Variants in ELAVL2 observed in about 807,000 individuals in gnomAD.
The protein encoded by ELAVL2 is ELAV-like protein 2.
A neutral mutation model predicts 34.6 loss-of-function variants in ELAVL2; 4 were observed. That is an observed-to-expected ratio of 0.12 (90% confidence interval 0.06 to 0.26). The LOEUF (loss-of-function observed/expected upper bound fraction) is 0.26, where lower values mean the gene tolerates loss of function less well. Among genes scored for constraint, ELAVL2 ranks in the 10% least tolerant of loss-of-function variants. The pLI, the probability that ELAVL2 is intolerant of heterozygous loss-of-function variation, is 1.00. For synonymous variants in ELAVL2, 193 were observed against 154.8 expected (o/e 1.25, Z -1.83); for missense variants, 432 against 442.8 (o/e 0.98, Z 0.22).
chr9:23,717,080 A>T (rs974151162), intron 3 of ELAVL2, among the ~76,000 whole-genome samples: 1 of 152,246 alleles, frequency 6.6e-6, no homozygotes. Context: ...GTGTGGTAGT[A>T]AAGTTAAATG....
chr9:23,823,039 G>A (rs1262185574), intron 1 of ELAVL2, among the ~76,000 whole-genome samples: 1 of 152,116 alleles, frequency 6.6e-6, no homozygotes, highest in Admixed American at 6.5e-5. Context: ...GCTCAACCAA[G>A]GTCAAAAGCG....
chr9:23,755,051 A>C (rs1255259051), intron 2 of ELAVL2, among the ~76,000 whole-genome samples: 1 of 152,118 alleles, frequency 6.6e-6, no homozygotes, highest in Non-Finnish European at 1.5e-5. Context: ...CCTATTCCGC[A>C]AAGTCCAAAC....
At chr9:23,715,971 G>C (rs1278751582) in intron 3 of ELAVL2, among the ~76,000 whole-genome samples, 1 of 152,144 alleles carries the variant, frequency 6.6e-6, no homozygotes, top group Non-Finnish European at 1.5e-5. Flanking sequence ...TGATCTGACA[G>C]AGAGAAGTAC....
chr9:23,826,962 A>G (rs144910476), upstream of ELAVL2, among the ~76,000 whole-genome samples: 50 of 152,354 alleles, frequency 3.3e-4, no homozygotes, highest in African/African-American at 1.2e-3. Context: ...TAAGATAAAG[A>G]TGAAGTCAGA....
intron 2 of ELAVL2, among the ~76,000 whole-genome samples, chr9:23,757,372 A>G (rs1467695485): frequency 6.6e-6 from 1 of 152,040 alleles, no homozygotes; most frequent in Non-Finnish European, 1.5e-5. Flanking sequence ...GGTAAAGCAT[A>G]AGATAATCAG....
chr9:23,839,593 C>G, the ELAVL2 span, among the ~76,000 whole-genome samples: 3 of 152,126 alleles, frequency 2.0e-5, no homozygotes, highest in Admixed American at 2.0e-4. Context: ...ACAGTCCACA[C>G]TGGAAACTGC....
chr9:23,778,078 AT>A (rs777818553), intron 1 of ELAVL2, among the ~76,000 whole-genome samples: 5 of 152,186 alleles, frequency 3.3e-5, no homozygotes, highest in Non-Finnish European at 5.9e-5. Flanking sequence ...GGAAGAAAAC[AT>A]TGAGGGGATG....
intron 2 of ELAVL2, among the ~76,000 whole-genome samples, chr9:23,750,074 T>C (rs918613522): frequency 6.6e-6 from 1 of 150,754 alleles, no homozygotes; most frequent in East Asian, 1.9e-4. Flanking sequence ...TGTCCAACTA[T>C]AAAGGCTAGG....
At chr9:23,740,775 T>A (rs986686270) in intron 2 of ELAVL2, among the ~76,000 whole-genome samples, 1 of 152,192 alleles carries the variant, frequency 6.6e-6, no homozygotes, top group Non-Finnish European at 1.5e-5. Flanking sequence ...AAAAGATCCA[T>A]TTAAAATGGG....
intron 3 of ELAVL2, among the ~76,000 whole-genome samples, chr9:23,713,151 G>T (rs1271175995): frequency 6.6e-6 from 1 of 152,106 alleles, no homozygotes; most frequent in Non-Finnish European, 1.5e-5. Flanking sequence ...TTTTATTGTT[G>T]TTTCTCCTTG....
chr9:23,794,467 GACA>G lies in ELAVL2; in HGVS notation c.-16+31336_-16+31338del, dbSNP rs1377410178. 1.2e-4 allele frequency among the ~76,000 whole-genome samples: 19 copies of G among 152,284 alleles called. No homozygotes were observed. In the East Asian group the frequency reaches 2.9e-3, roughly 23 times the overall value. On this transcript the variant is annotated intron_variant, in intron 1 of 6. Transcript: ENST00000397312. ...GCCAGAGTTCCTAAAAGCTTCTGAG[GACA>G]ACAATTTTTCTTAGGGAGTGAAAAT...
intron 2 of ELAVL2, among the ~76,000 whole-genome samples, chr9:23,747,167 T>C (rs554543001): frequency 6.6e-6 from 1 of 152,028 alleles, no homozygotes; most frequent in Non-Finnish European, 1.5e-5. Context: ...ACTACTTTTT[T>C]TTTTCCGATC....
chr9:23,819,888 G>C (rs1262101583), intron 1 of ELAVL2, among the ~76,000 whole-genome samples: 1 of 152,012 alleles, frequency 6.6e-6, no homozygotes, highest in East Asian at 1.9e-4. Flanking sequence ...GTTTGCAAGC[G>C]AACTTCCCGT....
At chr9:23,817,858 T>A (rs1167149200) in intron 1 of ELAVL2, among the ~76,000 whole-genome samples, 1 of 152,198 alleles carries the variant, frequency 6.6e-6, no homozygotes, top group Non-Finnish European at 1.5e-5. Flanking sequence ...AAAGTTATCA[T>A]TTAAATCATA....
intron 1 of ELAVL2, among the ~76,000 whole-genome samples, chr9:23,773,108 TA>T (rs1337894172): frequency 2.0e-5 from 3 of 152,182 alleles, no homozygotes; most frequent in African/African-American, 7.2e-5. Flanking sequence ...ATGCAAGTGT[TA>T]TTTTTATTCA....
intron 5 of ELAVL2, among the ~76,000 whole-genome samples, chr9:23,697,606 C>G (rs1023524594): frequency 2.0e-5 from 3 of 152,058 alleles, no homozygotes; most frequent in African/African-American, 7.2e-5. Flanking sequence ...TTTCTATCAA[C>G]AGGACCAAAG....
At chr9:23,721,658 T>C (rs1201690090) in intron 3 of ELAVL2, among the ~76,000 whole-genome samples, 2 of 152,118 alleles carry the variant, frequency 1.3e-5, no homozygotes, top group Non-Finnish European at 1.5e-5. Context: ...ACTGTGTGGG[T>C]GCACTTAATA....
intron 2 of ELAVL2, among the ~76,000 whole-genome samples, chr9:23,737,222 AATG>A (rs1219977769): frequency 6.6e-6 from 1 of 152,200 alleles, no homozygotes; most frequent in Non-Finnish European, 1.5e-5. Flanking sequence ...ATGAAAAACA[AATG>A]AAGGAGCAGC....
rs2046854124 is a variant in ELAVL2, at chr9:23,732,624, G to A, written c.230-1499C>T. ...TGTGCCCCTCTTATGAAAATGTGTT[G>A]CAGTCCTATTGTCATTGAGTAGAAT... On this transcript the variant is annotated intron_variant, in intron 2 of 6. Coordinates refer to ENST00000397312, the MANE Select transcript of ELAVL2 (RefSeq NM_004432.5). Among the ~76,000 whole-genome samples, 5 of 152,130 alleles carry A rather than the reference G, an allele frequency of 3.3e-5. No individual in the cohort carries two copies. In the South Asian group the frequency reaches 1.0e-3, roughly 32 times the overall value.
Sources: gnomAD v4.1 joint callset for allele counts (sites outside exome capture counted in the v4.1 genomes callset) on GRCh38, gnomAD v4.1.1 for gene constraint, MANE v1.5 for transcripts, NCBI Gene and HGNC (gene_info 2026-07-23, HGNC 2026-07-21) for gene names.